TERF1: variants seen among roughly 807,000 people sequenced by gnomAD.
The protein encoded by TERF1 is telomeric repeat-binding factor 1.
Under a neutral mutation model 55.1 loss-of-function variants are expected in TERF1, and 20 were observed. The ratio of observed to expected loss-of-function variants is 0.36; its 90% CI spans 0.26 to 0.53. The LOEUF (loss-of-function observed/expected upper bound fraction) is 0.53. Among genes scored for constraint, TERF1 ranks in the 20% least tolerant of loss-of-function variants. TERF1 has a pLI of 0.91. For missense variants in TERF1, 439 were observed against 535.7 expected (o/e 0.82, Z 1.78); for synonymous variants, 168 against 181.2 (o/e 0.93, Z 0.59).
Position 73,045,961 on chromosome 8 carries a change from G to A in TERF1, c.1144G>A (p.Ala382Thr). The part of the protein sequence containing the change: ...PEKHRARKRQ[A>T]WLWEEDKNLR... ...TAACTGTTTTACTTTTTATCAAAAG[G>A]CATGGCTTTGGGAAGAAGACAAGAA... The change falls in exon 10 of 10, where the codon GCA (alanine) becomes ACA (threonine). Residue 382 changes from alanine (A) to threonine (T), a missense_variant and splice_region_variant. By Grantham distance (58) the Ala-to-Thr change is moderately conservative. Coordinates refer to ENST00000276603, the MANE Select transcript of TERF1 (RefSeq NM_017489.3). 1.3e-6 allele frequency: 2 copies of A among 1,546,140 alleles called. No individual in the cohort carries two copies. Among genetic ancestry groups the A allele is most frequent in the Non-Finnish European group, 1.7e-6 (2 of 1,149,650 alleles).
chr8:73,025,018 G>A (rs749683386), intron 5 of TERF1, 47 bp downstream of exon 5: 9 of 1,178,144 alleles, frequency 7.6e-6, no homozygotes, highest in South Asian at 3.3e-5. Flanking sequence ...TAAAGGAAAC[G>A]TTATAATAAA....
At chr8:73,037,799 A>AATATATATATTATATATAATATATGT (rs1809643739) in intron 8 of TERF1, among the ~76,000 whole-genome samples, 2 of 94,196 alleles carry the variant, frequency 2.1e-5, no homozygotes, top group African/African-American at 1.1e-4. Flanking sequence ...TATATAGTAT[A>AATATATATATTATATATAATATATGT]ATAATATATA....
intron 8 of TERF1, among the ~76,000 whole-genome samples, chr8:73,033,697 G>A (rs1809394517): frequency 1.3e-5 from 2 of 152,172 alleles, no homozygotes; most frequent in African/African-American, 4.8e-5. Context: ...GTGTGACAGA[G>A]CGAGACTGTC....
intron 6 of TERF1, among the ~76,000 whole-genome samples, chr8:73,029,753 G>T (rs1459867110): frequency 6.6e-6 from 1 of 152,112 alleles, no homozygotes; most frequent in Non-Finnish European, 1.5e-5. Context: ...CTTGAACAGG[G>T]GCTTTTGTAG....
chr8:73,031,787 T>C (rs529475392), intron 7 of TERF1: 2 of 282,880 alleles, frequency 7.1e-6, no homozygotes, highest in Non-Finnish European at 1.3e-5. Context: ...TTCTTTTTTT[T>C]GCCTGCTTCT....
chr8:73,015,478 G>C (rs1808464614), intron 2 of TERF1, among the ~76,000 whole-genome samples: 1 of 152,026 alleles, frequency 6.6e-6, no homozygotes, highest in Non-Finnish European at 1.5e-5. Flanking sequence ...TAGACAGGAG[G>C]ATCGCTTGAG....
At chr8:73,025,035 T>G in intron 5 of TERF1, 64 bp downstream of exon 5, 1 of 994,656 alleles carries the variant, frequency 1.0e-6, no homozygotes, top group East Asian at 2.7e-5. Context: ...TAAAGGAGAA[T>G]ACTTGAAATA....
intron 2 of TERF1, among the ~76,000 whole-genome samples, chr8:73,019,876 A>G (rs1016093836): frequency 1.6e-4 from 25 of 151,926 alleles, no homozygotes; most frequent in African/African-American, 5.6e-4. Flanking sequence ...CCTCTCCCCT[A>G]CCATTCTTCA....
At chr8:73,022,426 A>G in intron 4 of TERF1, 124 bp downstream of exon 4, 1 of 501,770 alleles carries the variant, frequency 2.0e-6, no homozygotes. Flanking sequence ...AATACCGTGC[A>G]ACAGAAAAAC....
At position 73,032,152 on chromosome 8, in the gene TERF1, GT is replaced by G; in HGVS notation, c.1039+23del. 1 of 1,550,046 alleles carries G rather than the reference GT, an allele frequency of 6.5e-7. No homozygotes were observed. The highest frequency in any genetic ancestry group is 8.8e-7 in the Non-Finnish European group (1 of 1,134,908). On this transcript the variant is annotated intron_variant, in intron 8 of 9. Transcript: ENST00000276603. ...CCTCAAAGTGAGTACTGTTATAACAGTTTTAGAAGGGGAGAATTGATGTGTC... is the reference window on the plus strand; with the variant it reads ...CCTCAAAGTGAGTACTGTTATAACAGTTTAGAAGGGGAGAATTGATGTGTC...
intron 8 of TERF1, among the ~76,000 whole-genome samples, chr8:73,034,111 C>G (rs1290788373): frequency 1.6e-5 from 2 of 121,314 alleles, no homozygotes; most frequent in Non-Finnish European, 3.6e-5. Flanking sequence ...GCCGCCACAC[C>G]CTGCTATTTT....
At chr8:73,024,719 G>A in intron 4 of TERF1, 103 bp from the exon 5 acceptor site, 1 of 867,406 alleles carries the variant, frequency 1.2e-6, no homozygotes, top group Non-Finnish European at 1.7e-6. Context: ...TGTCTCTTGA[G>A]TTTGTAAAGT....
In TERF1 at chr8:73,008,923, C is replaced by G. The variant is rs201438704; in HGVS notation, c.37C>G (p.Arg13Gly). The change falls in exon 1 of 10, where the codon CGG (arginine) becomes GGG (glycine). Residue 13 changes from arginine (R) to glycine (G), a missense_variant. Physicochemically the swap from Arg to Gly is moderately radical, Grantham distance 125. Transcript: ENST00000276603. ...EDVSSAAPSP[R>G]GCADGRDADP... ...TGTTTCCTCAGCGGCCCCGAGCCCG[C>G]GGGGCTGTGCGGATGGTAGGGATGC... The G allele has an allele frequency of 7.4e-6, 12 of 1,611,672 alleles. No homozygotes were observed. The East Asian group carries it at 2.2e-4, about 30-fold the overall frequency.
intron 4 of TERF1, among the ~76,000 whole-genome samples, chr8:73,024,397 A>G (rs1358940103): frequency 6.6e-6 from 1 of 152,230 alleles, no homozygotes; most frequent in Non-Finnish European, 1.5e-5. Flanking sequence ...AAGCAATGCT[A>G]CATATTTGTG....
At chr8:73,009,295 C>T in intron 1 of TERF1, 90 bp downstream of exon 1, 1 of 238,604 alleles carries the variant, frequency 4.2e-6, no homozygotes, top group Non-Finnish European at 6.0e-6. Context: ...CCTACGTCGC[C>T]GAGGGAGGGG....
intron 5 of TERF1, among the ~76,000 whole-genome samples, chr8:73,025,474 C>G (rs923111185): frequency 6.6e-6 from 1 of 151,740 alleles, no homozygotes; most frequent in African/African-American, 2.4e-5. Flanking sequence ...TTAGCTGGGC[C>G]GGGCGCGGTG....
At chr8:73,020,049 T>C (rs1284951881) in intron 2 of TERF1, among the ~76,000 whole-genome samples, 1 of 152,250 alleles carries the variant, frequency 6.6e-6, no homozygotes, top group African/African-American at 2.4e-5. Context: ...ATTCCAAGTT[T>C]TTAGGCGAGT....
Position 73,009,194 on chromosome 8 carries a change from A to G in TERF1, c.308A>G (p.Asn103Ser), listed in dbSNP as rs374169616. The G allele has an allele frequency of 6.2e-7, 1 of 1,610,348 alleles. No individual in the cohort carries two copies. Residue 103 changes from asparagine (N) to serine (S), a missense_variant, in exon 1 of 10, where the codon AAC becomes AGC. Physicochemically the swap from Asn to Ser is conservative, Grantham distance 46. Around this residue, in one of 4 missense-constraint regions of TERF1, gnomAD observed 179 missense variants for 152.6 expected, o/e 1.17. Coordinates refer to ENST00000276603, the MANE Select transcript of TERF1 (RefSeq NM_017489.3). Reference sequence around the variant, plus strand: ...TCCGAGGACTTCCGCAGGACCCGCAACAGCGCAGAGGGTGAGTGCAGACCG... The same window carrying G: ...TCCGAGGACTTCCGCAGGACCCGCAGCAGCGCAGAGGGTGAGTGCAGACCG... ...GRSEDFRRTR[N>S]SAEAIIHGLS...
At chr8:73,039,285 ATTAT>A in intron 9 of TERF1, 66 bp downstream of exon 9, 2 of 1,182,998 alleles carry the variant, frequency 1.7e-6, no homozygotes, top group Non-Finnish European at 2.4e-6. Flanking sequence ...AATAATTGTG[ATTAT>A]TTCTGTTCAA....
Sources: allele counts gnomAD v4.1 joint callset (sites outside exome capture counted in the v4.1 genomes callset), GRCh38; gene constraint gnomAD v4.1.1; regional missense constraint gnomAD v4.1.1; transcripts MANE v1.5; gene names NCBI Gene and HGNC (gene_info 2026-07-23, HGNC 2026-07-21).